PTPRM: variants seen among roughly 807,000 people sequenced by gnomAD.
The protein encoded by PTPRM is receptor-type tyrosine-protein phosphatase mu.
Under a neutral mutation model 186.7 loss-of-function variants are expected in PTPRM, and 47 were observed. The observed-to-expected ratio is 0.25, with a 90% CI of 0.20 to 0.32. PTPRM has a LOEUF of 0.32. Ranked by LOEUF, PTPRM falls within the 10% of genes least tolerant of loss-of-function variation. The pLI is 1.00. For missense variants in PTPRM, 1,494 were observed against 1,865.0 expected, an observed-to-expected ratio of 0.80 and a Z score of 3.66; for synonymous variants, 668 against 674.9, an observed-to-expected ratio of 0.99 and a Z score of 0.16.
chr18:8,391,512 A>C (rs774554211), intron 31 of PTPRM, among the ~76,000 whole-genome samples: 3 of 152,350 alleles, frequency 2.0e-5, no homozygotes, highest in Non-Finnish European at 2.9e-5. Context: ...TGTATGGTTC[A>C]TTTACACAAA....
intron 2 of PTPRM, among the ~76,000 whole-genome samples, chr18:7,833,743 AAACAACAACAACAACAACAAC>A (rs150303636): frequency 4.0e-5 from 6 of 149,744 alleles, no homozygotes; most frequent in Non-Finnish European, 5.9e-5. Context: ...TCAGAAAGAA[AAACAACAACAACAACAACAAC>A]AACAACAACA....
rs993844359 is a variant in PTPRM, at chr18:8,103,387, C to T, written c.1857-10099C>T. Among the ~76,000 whole-genome samples, 13 of 152,350 alleles carry T rather than the reference C, an allele frequency of 8.5e-5. 1 individual carries two copies. In the East Asian group the frequency reaches 2.3e-3, roughly 27 times the overall value. On this transcript the variant is annotated intron_variant, in intron 11 of 32. Coordinates refer to ENST00000580170, the MANE Select transcript of PTPRM (RefSeq NM_001105244.2). ...CCCTCATCAATGACTTTAGCTAGAT[C>T]TTCTGGATAATGTGCTACAGCTTCT... is the stretch of plus-strand genomic sequence containing the variant.
At chr18:8,093,281 G>A (rs2090848622) in intron 11 of PTPRM, among the ~76,000 whole-genome samples, 1 of 152,102 alleles carries the variant, frequency 6.6e-6, no homozygotes, top group African/African-American at 2.4e-5. Context: ...TGGGGTTCTT[G>A]TGAAGACTAA....
intron 1 of PTPRM, among the ~76,000 whole-genome samples, chr18:7,575,555 A>AT (rs1262787006): frequency 6.6e-6 from 1 of 152,112 alleles, no homozygotes; most frequent in Non-Finnish European, 1.5e-5. Flanking sequence ...GTCTTACTCA[A>AT]TTTTTTCTTT....
intron 7 of PTPRM, among the ~76,000 whole-genome samples, chr18:7,973,237 T>G (rs2054691492): frequency 6.6e-6 from 1 of 152,096 alleles, no homozygotes; most frequent in Non-Finnish European, 1.5e-5. Flanking sequence ...TTTCTATAAG[T>G]TAAGTTTACA....
At chr18:7,844,290 C>G (rs556328621) in intron 2 of PTPRM, among the ~76,000 whole-genome samples, 2 of 152,358 alleles carry the variant, frequency 1.3e-5, no homozygotes, top group Non-Finnish European at 1.5e-5. Context: ...AAAATACACT[C>G]ACTTCTTCCC....
intron 23 of PTPRM, among the ~76,000 whole-genome samples, chr18:8,344,448 G>GTGTGTGTATATATATATATA (rs1360655194): frequency 4.4e-3 from 147 of 33,348 alleles, no homozygotes; most frequent in African/African-American, 0.01. Flanking sequence ...GTGTGTGTGT[G>GTGTGTGTATATATATATATA]TATATATATA....
intron 2 of PTPRM, among the ~76,000 whole-genome samples, chr18:7,861,755 G>GGT (rs200947627): frequency 0.025 from 3,800 of 151,180 alleles, 115 homozygotes; most frequent in African/African-American, 0.079. Flanking sequence ...TTGATATTGG[G>GGT]GTGTGTGTGT....
intron 7 of PTPRM, among the ~76,000 whole-genome samples, chr18:8,031,368 C>T (rs1205591662): frequency 1.3e-5 from 2 of 152,100 alleles, no homozygotes; most frequent in African/African-American, 4.8e-5. Context: ...GAATGAAAAA[C>T]AGGTGTCAAG....
intron 2 of PTPRM, among the ~76,000 whole-genome samples, chr18:7,842,878 T>A (rs1455831629): frequency 1.2e-5 from 1 of 83,640 alleles, no homozygotes; most frequent in Non-Finnish European, 2.3e-5. Flanking sequence ...ATATATATGT[T>A]TCTCGTGTGT....
intron 14 of PTPRM, among the ~76,000 whole-genome samples, chr18:8,156,391 G>A (rs1277307260): frequency 6.6e-6 from 1 of 152,132 alleles, no homozygotes; most frequent in Non-Finnish European, 1.5e-5. Flanking sequence ...TCTTTACTTT[G>A]TGGCACTGTA....
intron 14 of PTPRM, among the ~76,000 whole-genome samples, chr18:8,201,842 GGC>G (rs2093862618): frequency 6.6e-6 from 1 of 151,928 alleles, no homozygotes; most frequent in Non-Finnish European, 1.5e-5. Context: ...ATTTTGGAGG[GGC>G]ACAATTCAGT....
chr18:7,651,320 G>A (rs11877002), intron 1 of PTPRM, among the ~76,000 whole-genome samples: 46,442 of 151,908 alleles, frequency 0.31, 11,352 homozygotes, highest in African/African-American at 0.67. Flanking sequence ...ACTGGACTTC[G>A]TTAAAATTAA....
chr18:8,101,287 T>C (rs2091280562), intron 11 of PTPRM, among the ~76,000 whole-genome samples: 1 of 152,200 alleles, frequency 6.6e-6, no homozygotes, highest in African/African-American at 2.4e-5. Context: ...ATTAGTGACC[T>C]GTAAGCAAAG....
Position 8,303,788 on chromosome 18 carries a change from G to A in PTPRM, c.2842+7333G>A, listed in dbSNP as rs140402365. ...CAAACTTCCTGCTCAGAACCTGCAT[G>A]GCAGAGCTGGGAACCGGGTGGAAAC... is the stretch of plus-strand genomic sequence containing the variant. On this transcript the variant is annotated intron_variant, in intron 20 of 32. Transcript: ENST00000580170. Among the ~76,000 whole-genome samples, 626 of 152,234 alleles carry A rather than the reference G, an allele frequency of 4.1e-3. 3 individuals carry two copies. Among genetic ancestry groups the A allele is most frequent in the Middle Eastern group, 0.034 (10 of 294 alleles).
intron 1 of PTPRM, among the ~76,000 whole-genome samples, chr18:7,756,288 T>C (rs2041486299): frequency 6.6e-6 from 1 of 152,224 alleles, no homozygotes; most frequent in South Asian, 2.1e-4. Context: ...GCATCCCTCA[T>C]TCTTCTGTAA....
At chr18:7,957,515 A>G (rs114021409) in intron 7 of PTPRM, among the ~76,000 whole-genome samples, 3,272 of 152,252 alleles carry the variant, frequency 0.021, 46 homozygotes, top group African/African-American at 0.044. Flanking sequence ...TGCAGTTGGC[A>G]CTGTTCGTGA....
At chr18:8,210,340 T>G (rs930429521) in intron 14 of PTPRM, among the ~76,000 whole-genome samples, 9 of 151,450 alleles carry the variant, frequency 5.9e-5, no homozygotes, top group African/African-American at 2.2e-4. Flanking sequence ...GGGGTGGAAA[T>G]TGAGACACAG....
At chr18:8,132,476 A>G (rs967379152) in intron 13 of PTPRM, among the ~76,000 whole-genome samples, 3 of 152,210 alleles carry the variant, frequency 2.0e-5, no homozygotes, top group Non-Finnish European at 4.4e-5. Flanking sequence ...ATAGGACTGC[A>G]ATAGCCATTT....
Sources: allele counts gnomAD v4.1 joint callset (sites outside exome capture counted in the v4.1 genomes callset), GRCh38; gene constraint gnomAD v4.1.1; transcripts MANE v1.5; gene names NCBI Gene and HGNC (gene_info 2026-07-23, HGNC 2026-07-21).